ANKRD11: variants seen among roughly 807,000 people sequenced by gnomAD.
ANKRD11 encodes the protein ankyrin repeat domain-containing protein 11.
A neutral mutation model predicts 195.7 loss-of-function variants in ANKRD11; 17 were observed. That is an observed-to-expected ratio of 0.09 (90% confidence interval 0.06 to 0.13). ANKRD11 has a LOEUF of 0.13. Ranked by LOEUF, ANKRD11 falls within the 10% of genes least tolerant of loss-of-function variation. ANKRD11 has a pLI of 1.00. For synonymous variants in ANKRD11, 1,953 were observed against 1,528.1 expected (o/e 1.28, Z -6.49); for missense variants, 3,735 against 3,566.1 (o/e 1.05, Z -1.21).
intron 1 of ANKRD11, among the ~76,000 whole-genome samples, chr16:89,463,030 C>T (rs1288696108): frequency 2.7e-5 from 4 of 147,068 alleles, no homozygotes; most frequent in South Asian, 4.3e-4. Context: ...AGGCCAGCCG[C>T]CCCATCCGGG....
intron 1 of ANKRD11, among the ~76,000 whole-genome samples, chr16:89,430,392 C>T (rs983797692): frequency 1.7e-4 from 25 of 144,920 alleles, no homozygotes; most frequent in Middle Eastern, 3.7e-3. Flanking sequence ...ACAGCAGGGA[C>T]TCTCAACTCT....
chr16:89,401,973 C>G (rs910198807), intron 2 of ANKRD11, among the ~76,000 whole-genome samples: 1 of 150,172 alleles, frequency 6.7e-6, no homozygotes, highest in African/African-American at 2.5e-5. Context: ...CAGAAGGAAC[C>G]GGCCCTGCAG....
chr16:89,334,172 A>AAAAG (rs1555545552), intron 2 of ANKRD11, among the ~76,000 whole-genome samples: 4 of 148,972 alleles, frequency 2.7e-5, no homozygotes, highest in African/African-American at 7.5e-5. Flanking sequence ...AAAAAAAAAA[A>AAAAG]ACAGAGAGAG....
At chr16:89,410,258 A>T (rs1036558825) in intron 2 of ANKRD11, among the ~76,000 whole-genome samples, 3 of 152,212 alleles carry the variant, frequency 2.0e-5, no homozygotes, top group Non-Finnish European at 2.9e-5. Flanking sequence ...CTAAAGCCTC[A>T]TAACATCATC....
In ANKRD11 at chr16:89,344,127, ACCCTGGAGTCTGTG is replaced by A. The variant is rs537476918; in HGVS notation, c.-59-27063_-59-27050del. On this transcript the variant is annotated intron_variant, in intron 2 of 12. Transcript: ENST00000301030. ...CTCCTCATCTATAGGCTGGGAACAA[ACCCTGGAGTCTGTG>A]CTCTGGGAGGAGCACACACGGGCAA... Among the ~76,000 whole-genome samples, 5 of 152,092 alleles carry A rather than the reference ACCCTGGAGTCTGTG, an allele frequency of 3.3e-5. No individual in the cohort carries two copies. The East Asian group carries it at 9.6e-4, about 29-fold the overall frequency.
intron 2 of ANKRD11, among the ~76,000 whole-genome samples, chr16:89,366,129 CAAAAA>C (rs71387689): frequency 3.3e-5 from 2 of 60,440 alleles, no homozygotes; most frequent in Non-Finnish European, 7.0e-5. Context: ...GACTCCATCT[CAAAAA>C]AAAAAAAAAA....
chr16:89,419,570 C>T (rs1456871006), intron 1 of ANKRD11, among the ~76,000 whole-genome samples: 1 of 152,086 alleles, frequency 6.6e-6, no homozygotes, highest in Admixed American at 6.6e-5. Context: ...ACCCATGTTA[C>T]TTCAGTCCCA....
chr16:89,298,914 G>C (rs1041233888), intron 4 of ANKRD11: 3 of 152,236 alleles, frequency 2.0e-5, no homozygotes, highest in African/African-American at 7.2e-5. Context: ...TTTTTCTTGA[G>C]TGCCTGAATG....
chr16:89,392,321 C>G (rs1360756227), intron 2 of ANKRD11: 2 of 152,410 alleles, frequency 1.3e-5, no homozygotes, highest in Non-Finnish European at 2.9e-5. Context: ...AGGGAGCAAG[C>G]ATTTCAAACA....
intron 1 of ANKRD11, among the ~76,000 whole-genome samples, chr16:89,467,633 G>A (rs891616775): frequency 6.6e-6 from 1 of 151,974 alleles, no homozygotes; most frequent in Non-Finnish European, 1.5e-5. Context: ...TCAAAGTGCT[G>A]AGACTACAGG....
At chr16:89,440,763 G>C (rs926983971) in intron 1 of ANKRD11, among the ~76,000 whole-genome samples, 1 of 152,304 alleles carries the variant, frequency 6.6e-6, no homozygotes, top group Non-Finnish European at 1.5e-5. Context: ...CCCAGCAAGG[G>C]GCTACAGAAA....
intron 1 of ANKRD11, among the ~76,000 whole-genome samples, chr16:89,435,084 T>C (rs1295432543): frequency 6.6e-6 from 1 of 152,200 alleles, no homozygotes; most frequent in Non-Finnish European, 1.5e-5. Flanking sequence ...TCTGTCTAGC[T>C]AAAGGTCTGT....
chr16:89,316,188 C>G (rs1168451507), intron 3 of ANKRD11, among the ~76,000 whole-genome samples: 1 of 151,618 alleles, frequency 6.6e-6, no homozygotes, highest in African/African-American at 2.4e-5. Context: ...AGACACGATA[C>G]TGTGCCTGCT....
rs1166291530 is a variant in ANKRD11, at chr16:89,283,978, T to A, written c.2564A>T (p.Glu855Val). 6.2e-7 allele frequency: 1 copy of A among 1,613,968 alleles called. No homozygotes were observed. Among genetic ancestry groups the A allele is most frequent in the African/African-American group, 1.3e-5 (1 of 74,896 alleles). Residue 855 changes from glutamate to valine, a missense_variant, in exon 9 of 13, where the codon GAG becomes GTG. By Grantham distance (121) the Glu-to-Val change is moderately radical. Transcript: ENST00000301030. The surrounding 1 kb of genome is among the most constrained non-coding windows in gnomAD (Gnocchi z 4.3). ...LSDSSFDFKG[E>V]DSWDSPVTDY... Reference sequence around the variant, plus strand: ...TGTCACTGGCGAGTCCCAGCTGTCCTCCCCTTTGAAATCAAAGGATGAATC... The same window carrying A: ...TGTCACTGGCGAGTCCCAGCTGTCCACCCCTTTGAAATCAAAGGATGAATC...
chr16:89,415,844 A>C (rs554128282), intron 2 of ANKRD11, among the ~76,000 whole-genome samples: 6 of 146,032 alleles, frequency 4.1e-5, no homozygotes, highest in South Asian at 2.2e-4. Flanking sequence ...AAAAAAAAAA[A>C]AAAAAACAAT....
At position 89,408,602 on chromosome 16, in the gene ANKRD11, G is replaced by C. The variant is rs191326062; in HGVS notation, c.-60+9682C>G. ...TGCCCCACACACACTCAGACCCTCAGGAAGAGCATGAAAGACGTCCCAGCC... is the reference window on the plus strand; with the variant it reads ...TGCCCCACACACACTCAGACCCTCACGAAGAGCATGAAAGACGTCCCAGCC... On this transcript the variant is annotated intron_variant, in intron 2 of 12. Transcript: ENST00000301030. Among the ~76,000 whole-genome samples the C allele has an allele frequency of 4.1e-3, 630 of 152,288 alleles. 4 individuals carry two copies. Among genetic ancestry groups the C allele is most frequent in the Middle Eastern group, 6.8e-3 (2 of 294 alleles).
chr16:89,357,929 A>C (rs2039560304), intron 2 of ANKRD11, among the ~76,000 whole-genome samples: 1 of 152,256 alleles, frequency 6.6e-6, no homozygotes, highest in East Asian at 1.9e-4. Context: ...GAAAGTAATG[A>C]AAAGTAGTAA....
chr16:89,489,477 G>A (rs1267781923), intron 1 of ANKRD11, among the ~76,000 whole-genome samples: 1 of 136,950 alleles, frequency 7.3e-6, no homozygotes, highest in African/African-American at 2.7e-5. Flanking sequence ...CGGCCTACGC[G>A]CGCCTCCTGC....
chr16:89,374,860 A>C (rs565344323), intron 2 of ANKRD11, among the ~76,000 whole-genome samples: 1 of 152,204 alleles, frequency 6.6e-6, no homozygotes, highest in Non-Finnish European at 1.5e-5. Context: ...CAACAAATAC[A>C]CTGAAAAACT....
Sources: gnomAD v4.1 joint callset for allele counts (sites outside exome capture counted in the v4.1 genomes callset) on GRCh38, gnomAD v4.1.1 for gene constraint, Gnocchi (gnomAD v3.1) non-coding constraint, MANE v1.5 for transcripts, NCBI Gene and HGNC (gene_info 2026-07-23, HGNC 2026-07-21) for gene names.